The following CDH11 variants were observed in gnomAD, a reference collection of about 807,000 sequenced individuals.
CDH11 encodes the protein cadherin-11.
CDH11 carries 11 observed loss-of-function variants against 67.8 expected under a neutral mutation model. The ratio of observed to expected loss-of-function variants is 0.16; its 90% CI spans 0.10 to 0.27. CDH11 has a LOEUF of 0.27. CDH11 is among the 10% of genes least tolerant of loss of function. The probability of loss-of-function intolerance (pLI) is 1.00; values close to 1 mark genes in which losing one functional copy is unlikely to be tolerated. For synonymous variants in CDH11, 419 were observed against 400.0 expected (o/e 1.05, Z -0.57); for missense variants, 847 against 1,031.2 (o/e 0.82, Z 2.45).
At chr16:64,988,852 C>T (rs182927974) in intron 6 of CDH11, among the ~76,000 whole-genome samples, 3 of 152,234 alleles carry the variant, frequency 2.0e-5, no homozygotes, top group Admixed American at 6.5e-5. Flanking sequence ...ACTCTATATT[C>T]GACACTCCCC....
At chr16:65,006,770 G>A (rs952404849) in intron 2 of CDH11, 1 of 152,206 alleles carries the variant, frequency 6.6e-6, no homozygotes, top group Non-Finnish European at 1.5e-5. Flanking sequence ...AACATGTGTT[G>A]TGGGAGGGAC....
At chr16:65,116,834 T>G (rs2075253316) in intron 1 of CDH11, among the ~76,000 whole-genome samples, 1 of 152,180 alleles carries the variant, frequency 6.6e-6, no homozygotes, top group East Asian at 1.9e-4. Context: ...CTCATACTTT[T>G]GAGTTTCTTC....
chr16:65,100,140 T>C (rs2074965569), intron 1 of CDH11, among the ~76,000 whole-genome samples: 1 of 152,188 alleles, frequency 6.6e-6, no homozygotes, highest in African/African-American at 2.4e-5. Context: ...GTGTGATCAT[T>C]TACCGCTGGT....
At chr16:65,114,521 G>A (rs540402535) in intron 1 of CDH11, among the ~76,000 whole-genome samples, 2 of 152,184 alleles carry the variant, frequency 1.3e-5, no homozygotes, top group East Asian at 3.9e-4. Flanking sequence ...CTTCCTCTCG[G>A]GGGGTTGTAC....
At chr16:65,056,847 T>C (rs185416006) in intron 1 of CDH11, among the ~76,000 whole-genome samples, 1 of 152,194 alleles carries the variant, frequency 6.6e-6, no homozygotes, top group African/African-American at 2.4e-5. Context: ...CACTTTGTCT[T>C]GCATTCTTTA....
Position 64,972,914 on chromosome 16 carries a change from T to G in CDH11, c.1380A>C (p.Ala460=). ...ETAWLNITVF[A]AEIHNRHQEA... is the part of the protein sequence containing the mutation. Reference sequence around the variant, plus strand: ...GAGGAGAATACTTACGGATTTCTGCTGCAAAGACAGTGATGTTGAGCCAGG... The same window carrying G: ...GAGGAGAATACTTACGGATTTCTGCGGCAAAGACAGTGATGTTGAGCCAGG... Residue 460 remains alanine (A), a synonymous_variant, in exon 9 of 13, where the codon GCA becomes GCC. Transcript: ENST00000268603. 2 of 1,613,958 alleles carry G rather than the reference T, an allele frequency of 1.2e-6. No individual in the cohort carries two copies. The highest frequency in any genetic ancestry group is 2.2e-5 in the East Asian group (1 of 44,856).
At chr16:64,987,993 A>T (rs980773796) in intron 7 of CDH11, 164 bp downstream of exon 7, 2 of 543,162 alleles carry the variant, frequency 3.7e-6, no homozygotes, top group African/African-American at 3.9e-5. Flanking sequence ...AGAAAGGAAT[A>T]CAATTCTGTG....
At chr16:64,948,858 T>TGGGGAAAAGAGGGAA in intron 12 of CDH11, 1 of 1,074,756 alleles carries the variant, frequency 9.3e-7, no homozygotes, top group Non-Finnish European at 1.3e-6. Flanking sequence ...GATTCCCTCT[T>TGGGGAAAAGAGGGAA]TTCCCCAAGA....
rs944497946 is a variant in CDH11 at position 64,944,940 on chromosome 16, G to A, written c.*2663C>T. On this transcript the variant is annotated 3_prime_UTR_variant, in exon 13 of 13. Coordinates refer to ENST00000268603, the MANE Select transcript of CDH11 (RefSeq NM_001797.4). The stretch of plus-strand genomic sequence containing the variant: ...AACAAGGTGGATACTTTGGTACAGG[G>A]CTGAATTATCAAAAGATGTCAGAAA... 1.4e-5 allele frequency: 3 copies of A among 217,086 alleles called. No homozygotes were observed. Among genetic ancestry groups the A allele is most frequent in the African/African-American group, 6.7e-5 (3 of 44,474 alleles). The allele number at this position is 217,086 out of a possible 1,614,324, so 13.4% of individuals were successfully genotyped here.
In CDH11 at chr16:64,944,504, G is replaced by A. The variant is rs1355205051; in HGVS notation, c.*3099C>T. ...AAATTTTGCCCCTCTTCTGCTCAGA[G>A]ACTCCAACTGCCCAGCCCCCATTCA... On this transcript the variant is annotated 3_prime_UTR_variant, in exon 13 of 13. Transcript: ENST00000268603. 4.3e-6 allele frequency: 1 copy of A among 233,044 alleles called. No homozygotes were observed. Among genetic ancestry groups the A allele is most frequent in the East Asian group, 6.0e-5 (1 of 16,552 alleles). 14.4% of individuals were successfully genotyped at this position (233,044 alleles called of 1,614,324 possible). A position where few individuals can be genotyped will look rare whatever the true frequency, so the allele number is the denominator to read the frequency against.
In CDH11 at chr16:65,121,893, G is replaced by T. The variant is rs1445682611; in HGVS notation, c.-311C>A. ...GGCGCACCTCACCTGGGGCCCTTGA[G>T]GGTGGACGCAACCTCCGAGCCGCCA... On this transcript the variant is annotated 5_prime_UTR_variant, in exon 1 of 13. Transcript: ENST00000268603. This position sits in a 1 kb window ranked among gnomAD's most constrained non-coding sequence, Gnocchi z 4.1. The T allele has an allele frequency of 1.7e-5, 12 of 701,818 alleles. No homozygotes were observed. The highest frequency in any genetic ancestry group is 3.1e-5 in the Non-Finnish European group (12 of 384,650). The allele number at this position is 701,818 out of a possible 1,614,324, so 43.5% of individuals were successfully genotyped here.
At chr16:65,068,786 T>G (rs939736218) in intron 1 of CDH11, among the ~76,000 whole-genome samples, 3 of 152,238 alleles carry the variant, frequency 2.0e-5, no homozygotes, top group African/African-American at 7.2e-5. Context: ...TTGATGTTCT[T>G]GTTTTGTCTC....
upstream of CDH11, among the ~76,000 whole-genome samples, chr16:65,123,285 C>T (rs1567593895): frequency 6.6e-6 from 1 of 151,854 alleles, no homozygotes; most frequent in Non-Finnish European, 1.5e-5. Flanking sequence ...GGTGGAGACG[C>T]CAGTGGGTGA....
At chr16:65,032,961 C>A (rs2073674509) in intron 2 of CDH11, among the ~76,000 whole-genome samples, 1 of 152,182 alleles carries the variant, frequency 6.6e-6, no homozygotes, top group South Asian at 2.1e-4. Flanking sequence ...TTCTAGACAG[C>A]CACGCTTTTC....
At chr16:64,968,695 T>C (rs2071914241) in intron 11 of CDH11, 1 of 217,072 alleles carries the variant, frequency 4.6e-6, no homozygotes. Flanking sequence ...ATACTGATTA[T>C]TTACATGGCA....
chr16:65,052,388 T>C (rs966907678), intron 2 of CDH11, among the ~76,000 whole-genome samples: 1 of 152,166 alleles, frequency 6.6e-6, no homozygotes, highest in Non-Finnish European at 1.5e-5. Context: ...CTTAGGCTAT[T>C]AGAAATAGCT....
intron 4 of CDH11, among the ~76,000 whole-genome samples, chr16:64,995,141 A>G (rs998748512): frequency 6.6e-6 from 1 of 152,182 alleles, no homozygotes; most frequent in Non-Finnish European, 1.5e-5. Flanking sequence ...CCCATTTGAT[A>G]TCATTAAAAT....
intron 2 of CDH11, among the ~76,000 whole-genome samples, chr16:65,017,584 A>G (rs2073337036): frequency 6.6e-6 from 1 of 152,196 alleles, no homozygotes; most frequent in South Asian, 2.1e-4. Flanking sequence ...CGACAGCAGT[A>G]TTTTCCACAA....
intron 1 of CDH11, among the ~76,000 whole-genome samples, chr16:65,082,711 T>C (rs1362012519): frequency 6.6e-6 from 1 of 152,256 alleles, no homozygotes; most frequent in Non-Finnish European, 1.5e-5. Context: ...TAGTGAATTT[T>C]GCCATCAGTA....
Sources: allele counts gnomAD v4.1 joint callset (sites outside exome capture counted in the v4.1 genomes callset), GRCh38; gene constraint gnomAD v4.1.1; non-coding constraint Gnocchi (gnomAD v3.1); transcripts MANE v1.5; gene names NCBI Gene and HGNC (gene_info 2026-07-23, HGNC 2026-07-21).